Variants in NRXN1 observed in about 807,000 individuals in gnomAD.
NRXN1 encodes neurexin-1.
A neutral mutation model predicts 150.9 loss-of-function variants in NRXN1; 39 were observed. That is an observed-to-expected ratio of 0.26 (90% CI 0.20 to 0.34). The LOEUF (loss-of-function observed/expected upper bound fraction) is 0.34. NRXN1 is among the 10% of genes least tolerant of loss of function. The pLI, the probability that NRXN1 is intolerant of heterozygous loss-of-function variation, is 1.00. For synonymous variants in NRXN1, 924 were observed against 757.0 expected (o/e 1.22, Z -3.62); for missense variants, 1,815 against 1,949.9 (o/e 0.93, Z 1.30).
At chr2:50,664,118 T>C (rs898056041) in intron 5 of NRXN1, among the ~76,000 whole-genome samples, 2 of 151,964 alleles carry the variant, frequency 1.3e-5, no homozygotes, top group Non-Finnish European at 2.9e-5. Context: ...AGACGACAAA[T>C]GCACAATTAA....
At chr2:50,464,610 T>G (rs150944712) in intron 17 of NRXN1, among the ~76,000 whole-genome samples, 1,718 of 152,094 alleles carry the variant, frequency 0.011, 16 homozygotes, top group Middle Eastern at 0.024. Flanking sequence ...AGGTTTAGCT[T>G]AAGTGTTGTA....
intron 7 of NRXN1, 33 bp from the exon 8 acceptor site, chr2:50,620,216 A>G: frequency 1.2e-6 from 2 of 1,608,980 alleles, no homozygotes; most frequent in Non-Finnish European, 1.7e-6. Flanking sequence ...AGGACACGCT[A>G]TACTCAGACC....
intron 17 of NRXN1, 43 bp from the exon 18 acceptor site, chr2:50,237,013 G>C (rs759768531): frequency 6.3e-7 from 1 of 1,584,490 alleles, no homozygotes; most frequent in South Asian, 1.1e-5. Flanking sequence ...AATACATCAA[G>C]TCTGCACATT....
intron 18 of NRXN1, among the ~76,000 whole-genome samples, chr2:50,163,164 G>GTATATATATATATATATATATATATATA (rs59163565): frequency 4.4e-4 from 63 of 141,726 alleles, no homozygotes; most frequent in Non-Finnish European, 7.1e-4. Flanking sequence ...AATCCAAAAT[G>GTATATATATATATATATATATATATATA]TATATATATA....
At chr2:49,990,991 G>T (rs926983245) in intron 21 of NRXN1, among the ~76,000 whole-genome samples, 1 of 152,032 alleles carries the variant, frequency 6.6e-6, no homozygotes, top group African/African-American at 2.4e-5. Flanking sequence ...TAACTCCTAA[G>T]AAAATGTTTC....
chr2:50,019,640 T>TAAA (rs1165089457), intron 21 of NRXN1, among the ~76,000 whole-genome samples: 1 of 6,004 alleles, frequency 1.7e-4, no homozygotes, highest in African/African-American at 1.0e-3. Flanking sequence ...AGATTCCGTC[T>TAAA]CAAAAAAAAA....
chr2:50,183,639 T>C (rs1304104807), intron 18 of NRXN1, among the ~76,000 whole-genome samples: 1 of 150,740 alleles, frequency 6.6e-6, no homozygotes, highest in Non-Finnish European at 1.5e-5. Flanking sequence ...TCTGGCAATA[T>C]CTAAAAGTGT....
At position 50,347,235 on chromosome 2, in the gene NRXN1, G is replaced by T; in HGVS notation, c.3365-110265C>A. On this transcript the variant is annotated intron_variant, in intron 17 of 22. Coordinates refer to ENST00000401669, the MANE Select transcript of NRXN1 (RefSeq NM_001330078.2). This position sits in a 1 kb window ranked among gnomAD's most constrained non-coding sequence, Gnocchi z 4.9. ...AACAGCAAGCGCGGAGCGGGTGGCT[G>T]CTCCCAGATTTCCAGGGCTCCAGGT... 3 of 1,329,982 alleles carry T rather than the reference G, an allele frequency of 2.3e-6. No homozygotes were observed. Among genetic ancestry groups the T allele is most frequent in the Non-Finnish European group, 3.0e-6 (3 of 1,016,330 alleles). The allele number at this position is 1,329,982 out of a possible 1,614,324, so 82.4% of individuals were successfully genotyped here. A position where few individuals can be genotyped will look rare whatever the true frequency, so the allele number is the denominator to read the frequency against.
chr2:50,908,757 G>C (rs552992033), intron 5 of NRXN1, among the ~76,000 whole-genome samples: 1 of 152,030 alleles, frequency 6.6e-6, no homozygotes, highest in Non-Finnish European at 1.5e-5. Flanking sequence ...TCCTTTAGGA[G>C]GTAATTAGGA....
chr2:50,586,823 A>G lies in NRXN1; in HGVS notation c.1320+33199T>C, dbSNP rs888305920. Among the ~76,000 whole-genome samples the G allele has an allele frequency of 2.6e-5, 4 of 152,186 alleles. No individual in the cohort carries two copies. In the South Asian group the frequency reaches 8.3e-4, roughly 32 times the overall value. On this transcript the variant is annotated intron_variant, in intron 8 of 22. Transcript: ENST00000401669. ...GTACAGGTAGATAAATGTAGTTAAT[A>G]ATGTATTCATTTACAATAATACAAA...
At chr2:50,497,751 C>T (rs79114854) in intron 13 of NRXN1, 37 bp from the exon 14 acceptor site, 2 of 1,542,534 alleles carry the variant, frequency 1.3e-6, no homozygotes, top group Non-Finnish European at 1.7e-6. Context: ...TTTTCTGTAT[C>T]TGAAAGGCAC....
intron 2 of NRXN1, among the ~76,000 whole-genome samples, chr2:50,971,474 T>C (rs537860030): frequency 6.6e-6 from 1 of 152,046 alleles, no homozygotes; most frequent in Admixed American, 6.6e-5. Context: ...TCCCAGCTAC[T>C]CAGGAGGCTG....
At chr2:50,420,827 T>C (rs2083926071) in intron 17 of NRXN1, among the ~76,000 whole-genome samples, 1 of 151,960 alleles carries the variant, frequency 6.6e-6, no homozygotes, top group South Asian at 2.1e-4. Flanking sequence ...GTAATCATAA[T>C]TTACCACCCA....
chr2:50,822,267 C>T (rs945201745), intron 5 of NRXN1, among the ~76,000 whole-genome samples: 1 of 152,084 alleles, frequency 6.6e-6, no homozygotes, highest in Non-Finnish European at 1.5e-5. Flanking sequence ...TCTTCAGATA[C>T]ATTTCTCTCA....
At chr2:50,794,400 C>A (rs965372207) in intron 5 of NRXN1, among the ~76,000 whole-genome samples, 13 of 152,070 alleles carry the variant, frequency 8.5e-5, no homozygotes, top group Admixed American at 4.6e-4. Flanking sequence ...GGAAAAGAAA[C>A]ATTCTGCAGT....
At chr2:50,227,159 C>CG (rs925710445) in intron 18 of NRXN1, among the ~76,000 whole-genome samples, 8 of 89,316 alleles carry the variant, frequency 9.0e-5, no homozygotes, top group East Asian at 5.0e-4. Context: ...TACACAAAGA[C>CG]GGGAAAAAAA....
At chr2:50,416,392 GC>G (rs1393502071) in intron 17 of NRXN1, among the ~76,000 whole-genome samples, 1 of 152,032 alleles carries the variant, frequency 6.6e-6, no homozygotes, top group Non-Finnish European at 1.5e-5. Flanking sequence ...CCTACCTTAA[GC>G]TTTGTGTTCC....
intron 10 of NRXN1, among the ~76,000 whole-genome samples, chr2:50,532,484 T>C (rs894030228): frequency 6.6e-6 from 1 of 152,184 alleles, no homozygotes; most frequent in Non-Finnish European, 1.5e-5. Context: ...AGCCATTATG[T>C]TTAGCAAGGT....
rs1322555101 is a variant in NRXN1 at position 50,687,081 on chromosome 2, T to C, written c.833-63466A>G. On this transcript the variant is annotated intron_variant, in intron 5 of 22. Coordinates refer to ENST00000401669, the MANE Select transcript of NRXN1 (RefSeq NM_001330078.2). ...ACACATCTTTTATTAGAATTGCTTT[T>C]GGTTTGTTTCCTCTGATAACAAGGT... is the stretch of plus-strand genomic sequence containing the variant. 3.3e-5 allele frequency among the ~76,000 whole-genome samples: 5 copies of C among 152,208 alleles called. No individual in the cohort carries two copies. In the South Asian group the frequency reaches 1.0e-3, roughly 32 times the overall value.
Sources: allele counts gnomAD v4.1 joint callset (sites outside exome capture counted in the v4.1 genomes callset), GRCh38; gene constraint gnomAD v4.1.1; non-coding constraint Gnocchi (gnomAD v3.1); transcripts MANE v1.5; gene names NCBI Gene and HGNC (gene_info 2026-07-23, HGNC 2026-07-21).